The following GRID2 variants were observed in gnomAD, a reference collection of about 807,000 sequenced individuals.
GRID2 encodes glutamate receptor ionotropic, delta-2.
In GRID2, 33 loss-of-function variants were observed where a neutral mutation model predicts 114.8. That is an observed-to-expected ratio of 0.29 (90% confidence interval 0.22 to 0.38). GRID2 has a LOEUF of 0.38. GRID2 is among the 10% of genes least tolerant of loss of function. GRID2 has a pLI of 1.00. For missense variants in GRID2, 1,184 were observed against 1,257.7 expected (o/e 0.94, Z 0.89); for synonymous variants, 505 against 449.9 (o/e 1.12, Z -1.55).
At chr4:92,572,958 T>C (rs991405789) in intron 1 of GRID2, among the ~76,000 whole-genome samples, 14 of 152,094 alleles carry the variant, frequency 9.2e-5, no homozygotes, top group Non-Finnish European at 2.9e-5. Context: ...GCCCTGGGCT[T>C]TTTTTGGTTA....
chr4:92,718,428 GTTTA>G lies in GRID2; in HGVS notation c.244+128148_244+128151del, dbSNP rs1002369038. On this transcript the variant is annotated intron_variant, in intron 2 of 15. Coordinates refer to ENST00000282020, the MANE Select transcript of GRID2 (RefSeq NM_001510.4). ...TAAAAGATACAAAATTTTAAATATA[GTTTA>G]TTTATAGATGCACACATTTATTATA... 4.6e-5 allele frequency among the ~76,000 whole-genome samples: 7 copies of G among 152,026 alleles called. No individual in the cohort carries two copies. In the East Asian group the frequency reaches 1.2e-3, roughly 25 times the overall value.
chr4:93,308,472 G>A (rs1010351373), intron 8 of GRID2, among the ~76,000 whole-genome samples: 1 of 152,084 alleles, frequency 6.6e-6, no homozygotes, highest in Non-Finnish European at 1.5e-5. Flanking sequence ...ACAAGCCACT[G>A]ATCCTTGTTA....
At chr4:92,678,515 T>C (rs1244723760) in intron 2 of GRID2, among the ~76,000 whole-genome samples, 2 of 152,062 alleles carry the variant, frequency 1.3e-5, no homozygotes, top group African/African-American at 4.8e-5. Flanking sequence ...CGTTAGTCAC[T>C]GGTGTCTGCT....
rs183803279 is a variant in GRID2 at position 93,416,224 on chromosome 4, C to T, written c.1348-6547C>T. 1.8e-3 allele frequency among the ~76,000 whole-genome samples: 273 copies of T among 152,038 alleles called. 1 individual carries two copies. The highest frequency in any genetic ancestry group is 3.6e-3 in the Non-Finnish European group (243 of 67,898). On this transcript the variant is annotated intron_variant, in intron 9 of 15. Coordinates refer to ENST00000282020, the MANE Select transcript of GRID2 (RefSeq NM_001510.4). ...AATTCCATACCATTGGCCTTCCTAA[C>T]TTGTGAACATTTCTAATACTCACAT...
intron 8 of GRID2, among the ~76,000 whole-genome samples, chr4:93,281,594 T>C (rs1003669151): frequency 6.6e-6 from 1 of 152,016 alleles, no homozygotes; most frequent in African/African-American, 2.4e-5. Flanking sequence ...CATAATATAG[T>C]GAAGCAATCT....
At chr4:93,475,325 T>G (rs891029427) in intron 11 of GRID2, among the ~76,000 whole-genome samples, 1 of 152,102 alleles carries the variant, frequency 6.6e-6, no homozygotes, top group Admixed American at 6.5e-5. Flanking sequence ...TCTGTAAAAC[T>G]GAAAATTACG....
intron 1 of GRID2, among the ~76,000 whole-genome samples, chr4:92,574,519 C>A: frequency 6.6e-6 from 1 of 150,854 alleles, no homozygotes; most frequent in East Asian, 2.0e-4. Flanking sequence ...AAATTCCCTA[C>A]ACATTTTCTT....
At chr4:93,303,084 G>A (rs186235443) in intron 8 of GRID2, among the ~76,000 whole-genome samples, 29 of 152,278 alleles carry the variant, frequency 1.9e-4, no homozygotes, top group Non-Finnish European at 3.4e-4. Flanking sequence ...ACCAGAGAAG[G>A]AGGAAGAGGA....
chr4:93,110,194 A>T (rs918946872), intron 3 of GRID2, among the ~76,000 whole-genome samples: 1 of 152,190 alleles, frequency 6.6e-6, no homozygotes, highest in Non-Finnish European at 1.5e-5. Flanking sequence ...TAAATAGATT[A>T]AAATGCAGCT....
intron 13 of GRID2, among the ~76,000 whole-genome samples, chr4:93,581,657 C>A (rs1463103802): frequency 6.6e-6 from 1 of 152,140 alleles, no homozygotes; most frequent in African/African-American, 2.4e-5. Flanking sequence ...CCTAAACCTA[C>A]AACCTGCTAG....
intron 2 of GRID2, among the ~76,000 whole-genome samples, chr4:92,632,412 T>C (rs1017213210): frequency 7.9e-5 from 12 of 152,054 alleles, no homozygotes; most frequent in African/African-American, 2.7e-4. Flanking sequence ...TGCAAGCATG[T>C]CACTTGAGGC....
At chr4:93,279,255 C>A (rs1421928931) in intron 8 of GRID2, among the ~76,000 whole-genome samples, 1 of 151,518 alleles carries the variant, frequency 6.6e-6, no homozygotes, top group African/African-American at 2.4e-5. Flanking sequence ...AATTACATAT[C>A]TAAATTATTC....
At chr4:93,449,719 C>T (rs1474856987) in intron 10 of GRID2, among the ~76,000 whole-genome samples, 2 of 151,972 alleles carry the variant, frequency 1.3e-5, no homozygotes, top group African/African-American at 4.8e-5. Flanking sequence ...CATCAAAGTG[C>T]ATAGAACTTT....
chr4:93,293,819 T>C (rs1313635612), intron 8 of GRID2, among the ~76,000 whole-genome samples: 3 of 152,166 alleles, frequency 2.0e-5, no homozygotes, highest in African/African-American at 4.8e-5. Flanking sequence ...TCATGTACTA[T>C]TTATTGCGTG....
chr4:92,959,128 A>G (rs1752623079), intron 2 of GRID2, among the ~76,000 whole-genome samples: 2 of 139,814 alleles, frequency 1.4e-5, no homozygotes, highest in South Asian at 2.2e-4. Context: ...TTTTTTTCCC[A>G]AAAGACTGAC....
At chr4:92,635,244 C>T (rs1579730557) in intron 2 of GRID2, among the ~76,000 whole-genome samples, 2 of 152,068 alleles carry the variant, frequency 1.3e-5, no homozygotes, top group African/African-American at 2.4e-5. Context: ...AGTTTGATTT[C>T]GGCTGTTGTT....
chr4:92,601,646 C>A (rs188495047), intron 2 of GRID2, among the ~76,000 whole-genome samples: 1 of 151,836 alleles, frequency 6.6e-6, no homozygotes, highest in Non-Finnish European at 1.5e-5. Context: ...AGCAAACAAA[C>A]CCCAAAGCTA....
At chr4:92,559,848 C>A (rs781620895) in intron 1 of GRID2, among the ~76,000 whole-genome samples, 2 of 151,960 alleles carry the variant, frequency 1.3e-5, no homozygotes, top group Admixed American at 6.6e-5. Context: ...CTCAGGATTG[C>A]AAAGTGCTCA....
chr4:92,737,921 T>C (rs1242754958), intron 2 of GRID2, among the ~76,000 whole-genome samples: 1 of 152,194 alleles, frequency 6.6e-6, no homozygotes, highest in East Asian at 1.9e-4. Context: ...AAATACCAGC[T>C]ACAACTGTTA....
Sources: allele counts gnomAD v4.1 joint callset (sites outside exome capture counted in the v4.1 genomes callset), GRCh38; gene constraint gnomAD v4.1.1; transcripts MANE v1.5; gene names NCBI Gene and HGNC (gene_info 2026-07-23, HGNC 2026-07-21).